The following SGCZ variants were observed in gnomAD, a reference collection of about 807,000 sequenced individuals.
The protein encoded by SGCZ is zeta-sarcoglycan.
SGCZ carries 40 observed loss-of-function variants against 41.3 expected under a neutral mutation model. That is an observed-to-expected ratio of 0.97 (90% CI 0.75 to 1.26). SGCZ has a LOEUF of 1.26. SGCZ is among the 50% of genes most tolerant of loss of function. The pLI, the probability that SGCZ is intolerant of heterozygous loss-of-function variation, is 0.00. For synonymous variants in SGCZ, 206 were observed against 137.5 expected, an observed-to-expected ratio of 1.50 and a Z score of -3.49; for missense variants, 552 against 369.8, an observed-to-expected ratio of 1.49 and a Z score of -4.04.
intron 1 of SGCZ, among the ~76,000 whole-genome samples, chr8:15,053,790 T>C (rs78325849): frequency 0.079 from 11,986 of 152,196 alleles, 757 homozygotes; most frequent in African/African-American, 0.17. Context: ...TTTGGATATT[T>C]CTTAGCAAAA....
At chr8:14,815,941 A>C (rs1801889788) in intron 1 of SGCZ, among the ~76,000 whole-genome samples, 1 of 152,244 alleles carries the variant, frequency 6.6e-6, no homozygotes, top group Non-Finnish European at 1.5e-5. Context: ...CACCCTCTTT[A>C]GAAGCATCAT....
At chr8:14,209,113 C>T (rs1020916570) in intron 4 of SGCZ, among the ~76,000 whole-genome samples, 2 of 152,204 alleles carry the variant, frequency 1.3e-5, no homozygotes, top group African/African-American at 4.8e-5. Flanking sequence ...AAGCAGAAAA[C>T]ACGGCGCCAG....
At chr8:14,930,760 C>A (rs1799901733) in intron 1 of SGCZ, among the ~76,000 whole-genome samples, 2 of 151,974 alleles carry the variant, frequency 1.3e-5, no homozygotes, top group South Asian at 4.1e-4. Context: ...ACCCCATGTT[C>A]TCATTCATAA....
At chr8:14,944,154 G>A (rs1800367537) in intron 1 of SGCZ, among the ~76,000 whole-genome samples, 1 of 150,898 alleles carries the variant, frequency 6.6e-6, no homozygotes, top group Admixed American at 6.6e-5. Flanking sequence ...TAGGCAGGGT[G>A]GGGCCTGCAG....
chr8:14,632,975 TTATA>T (rs538672185), intron 1 of SGCZ, among the ~76,000 whole-genome samples: 2 of 151,524 alleles, frequency 1.3e-5, no homozygotes, highest in African/African-American at 4.8e-5. Context: ...AATAAGTGAA[TTATA>T]TATATATATT....
In SGCZ at chr8:15,058,716, T is replaced by G. The variant is rs1804805764; in HGVS notation, c.39+178869A>C. Among the ~76,000 whole-genome samples the G allele has an allele frequency of 1.3e-5, 2 of 152,198 alleles. 1 individual carries two copies. Among genetic ancestry groups the G allele is most frequent in the South Asian group, 4.1e-4 (2 of 4,836 alleles). On this transcript the variant is annotated intron_variant, in intron 1 of 7. Coordinates refer to ENST00000382080, the MANE Select transcript of SGCZ (RefSeq NM_139167.4). ...ACTAGGATATCCTGTCAACACTTTT[T>G]GTGTTCGCTTAGGATCCTTGGATCC...
chr8:14,589,613 A>G (rs548496833), intron 1 of SGCZ, among the ~76,000 whole-genome samples: 2 of 152,266 alleles, frequency 1.3e-5, no homozygotes, highest in South Asian at 4.1e-4. Flanking sequence ...AGGGAGAAGT[A>G]TGACTAATCT....
intron 1 of SGCZ, among the ~76,000 whole-genome samples, chr8:14,939,940 G>C (rs1476111317): frequency 1.3e-5 from 2 of 151,968 alleles, no homozygotes; most frequent in Non-Finnish European, 2.9e-5. Context: ...CTTATAAATG[G>C]GGCTGTTCTT....
chr8:14,518,237 T>C (rs1261169605), intron 2 of SGCZ, among the ~76,000 whole-genome samples: 1 of 152,044 alleles, frequency 6.6e-6, no homozygotes, highest in African/African-American at 2.4e-5. Context: ...AGCTTGCTAT[T>C]GTTGGATTTC....
intron 2 of SGCZ, among the ~76,000 whole-genome samples, chr8:14,384,798 G>T (rs28694384): frequency 0.06 from 9,065 of 152,160 alleles, 891 homozygotes; most frequent in African/African-American, 0.2. Flanking sequence ...TGATCCGCCC[G>T]CCTTGGCTTC....
intron 4 of SGCZ, among the ~76,000 whole-genome samples, chr8:14,219,812 C>G (rs1729559058): frequency 6.6e-6 from 1 of 150,928 alleles, no homozygotes; most frequent in Non-Finnish European, 1.5e-5. Flanking sequence ...TTCACCTGAC[C>G]TCTTGCCAAC....
At chr8:14,656,372 C>T (rs934324039) in intron 1 of SGCZ, among the ~76,000 whole-genome samples, 4 of 150,476 alleles carry the variant, frequency 2.7e-5, no homozygotes, top group Non-Finnish European at 5.9e-5. Context: ...CTTTTCTTTT[C>T]GTTTTTTCTT....
intron 7 of SGCZ, among the ~76,000 whole-genome samples, chr8:14,092,131 T>C (rs1330919946): frequency 6.6e-6 from 1 of 152,092 alleles, no homozygotes; most frequent in African/African-American, 2.4e-5. Flanking sequence ...TGGTTGTAGA[T>C]ATCTAGTGTT....
At chr8:14,292,709 A>T (rs1007461294) in intron 3 of SGCZ, among the ~76,000 whole-genome samples, 35 of 152,170 alleles carry the variant, frequency 2.3e-4, no homozygotes, top group African/African-American at 7.7e-4. Flanking sequence ...GATATGTGAC[A>T]TTAGACAGGT....
rs185951246 is a variant in SGCZ at position 14,238,298 on chromosome 8, C to T, written c.337-619G>A. Among the ~76,000 whole-genome samples the T allele has an allele frequency of 1.5e-3, 231 of 152,284 alleles. 2 individuals carry two copies. Among genetic ancestry groups the T allele is most frequent in the Non-Finnish European group, 2.6e-3 (180 of 68,024 alleles). On this transcript the variant is annotated intron_variant, in intron 3 of 7. Transcript: ENST00000382080. ...GACAGCTGTGTCTATGCAGTTACGT[C>T]ATTATTACTAAGCATGCTGCTGAAG...
chr8:14,225,547 A>C (rs62494175), intron 4 of SGCZ, among the ~76,000 whole-genome samples: 307 of 152,274 alleles, frequency 2.0e-3, no homozygotes, highest in East Asian at 0.019. Flanking sequence ...AAAAATAATA[A>C]TACTAATTGG....
chr8:14,453,277 T>C (rs1800650229), intron 2 of SGCZ, among the ~76,000 whole-genome samples: 1 of 152,144 alleles, frequency 6.6e-6, no homozygotes, highest in African/African-American at 2.4e-5. Context: ...CTGTCTAACA[T>C]TAAGATACAT....
intron 3 of SGCZ, among the ~76,000 whole-genome samples, chr8:14,323,327 A>G (rs945717775): frequency 1.1e-4 from 17 of 152,130 alleles, no homozygotes; most frequent in Middle Eastern, 3.2e-3. Flanking sequence ...TTTCACATTT[A>G]TGAAAAAAGT....
intron 2 of SGCZ, among the ~76,000 whole-genome samples, chr8:14,543,465 T>C (rs771318053): frequency 6.6e-5 from 10 of 152,050 alleles, no homozygotes; most frequent in Non-Finnish European, 1.5e-4. Context: ...ACAGCCTCCA[T>C]CATTATCCTG....
Sources: gnomAD v4.1 joint callset for allele counts (sites outside exome capture counted in the v4.1 genomes callset) on GRCh38, gnomAD v4.1.1 for gene constraint, MANE v1.5 for transcripts, NCBI Gene and HGNC (gene_info 2026-07-23, HGNC 2026-07-21) for gene names.